The following PCDHA6 variants were observed in gnomAD, a reference collection of about 807,000 sequenced individuals.
PCDHA6 encodes protocadherin alpha 6, also known as protocadherin alpha-6.
A neutral mutation model predicts 60.3 loss-of-function variants in PCDHA6; 55 were observed. That is an observed-to-expected ratio of 0.91 (90% CI 0.73 to 1.14). PCDHA6 has a LOEUF of 1.14. Ranked by LOEUF, PCDHA6 falls within the 50% of genes most tolerant of loss-of-function variation. PCDHA6 has a pLI of 0.00. For synonymous variants in PCDHA6, 652 were observed against 557.9 expected, an observed-to-expected ratio of 1.17 and a Z score of -2.38; for missense variants, 1,327 against 1,256.5, an observed-to-expected ratio of 1.06 and a Z score of -0.85.
chr5:140,863,416 C>A, intron 1 of PCDHA6: 6 of 719,752 alleles, frequency 8.3e-6, no homozygotes, highest in African/African-American at 1.8e-5. Flanking sequence ...GCTGGTGTAC[C>A]GCAGCGTAGT....
chr5:140,850,813 G>A (rs2150499202), intron 1 of PCDHA6: 2 of 1,598,488 alleles, frequency 1.3e-6, no homozygotes, highest in Admixed American at 1.7e-5. Flanking sequence ...ATGGCCTTCA[G>A]CCCGGGCCTT....
intron 1 of PCDHA6, among the ~76,000 whole-genome samples, chr5:140,925,287 A>G (rs905857397): frequency 4.7e-4 from 72 of 152,294 alleles, no homozygotes; most frequent in African/African-American, 1.7e-3. Context: ...TGCCTTTCAA[A>G]TGTTTCATTA....
At chr5:140,834,349 T>A in intron 1 of PCDHA6, 2 of 1,534,320 alleles carry the variant, frequency 1.3e-6, no homozygotes, top group Non-Finnish European at 1.8e-6. Flanking sequence ...CGAAGGCAAG[T>A]TTTGCTGACT....
In PCDHA6 at chr5:140,858,646, T is replaced by C. The variant is rs542211136; in HGVS notation, c.2394+28161T>C. 2.7e-5 allele frequency: 22 copies of C among 817,764 alleles called. 1 individual carries two copies. In the African/African-American group the frequency reaches 3.5e-4, roughly 13 times the overall value. 50.7% of individuals were successfully genotyped at this position (817,764 alleles called of 1,614,324 possible). A position where few individuals can be genotyped will look rare whatever the true frequency, so the allele number is the denominator to read the frequency against. On this transcript the variant is annotated intron_variant, in intron 1 of 3. Coordinates refer to ENST00000529310, the MANE Select transcript of PCDHA6 (RefSeq NM_018909.4). ...AGTGTGTCAGCCTTTGATTGGTACT[T>C]AAATTTTTTTAAATAACAATTTATT...
chr5:140,869,633 A>G (rs376162708), intron 1 of PCDHA6: 3 of 1,613,612 alleles, frequency 1.9e-6, no homozygotes, highest in Non-Finnish European at 2.5e-6. Context: ...AAAAATGAGT[A>G]TTTTTCTTTA....
chr5:140,976,814 A>G (rs1276394910), intron 1 of PCDHA6, among the ~76,000 whole-genome samples: 1 of 152,242 alleles, frequency 6.6e-6, no homozygotes, highest in East Asian at 1.9e-4. Flanking sequence ...GAAGATATGC[A>G]TGTGTCTAAT....
chr5:140,834,830 C>T (rs1554134546), intron 1 of PCDHA6: 1 of 1,612,028 alleles, frequency 6.2e-7, no homozygotes, highest in East Asian at 2.2e-5. Context: ...GGCCGCTTGA[C>T]TCTCGGTTTC....
chr5:140,869,343 G>A (rs1554162925), intron 1 of PCDHA6: 1 of 1,613,974 alleles, frequency 6.2e-7, no homozygotes, highest in African/African-American at 1.3e-5. Context: ...TAAATCTGCA[G>A]AATGGCATTT....
At chr5:140,948,013 A>G (rs1214834981) in intron 1 of PCDHA6, among the ~76,000 whole-genome samples, 7 of 89,982 alleles carry the variant, frequency 7.8e-5, no homozygotes, top group Admixed American at 5.3e-4. Context: ...TTTAGGAAGT[A>G]CCCTTTCTGG....
intron 1 of PCDHA6, among the ~76,000 whole-genome samples, chr5:140,975,074 G>C (rs2096653166): frequency 1.3e-5 from 2 of 152,152 alleles, no homozygotes; most frequent in South Asian, 4.1e-4. Flanking sequence ...CATTCAGATT[G>C]TTGGCAGAAT....
chr5:140,988,817 C>T (rs1244038207), intron 3 of PCDHA6: 8 of 152,028 alleles, frequency 5.3e-5, no homozygotes, highest in Admixed American at 1.3e-4. Context: ...TAACAGTAGC[C>T]CCAAACAGAG....
In PCDHA6 at chr5:140,830,029, G is replaced by T. The variant is rs2150179968; in HGVS notation, c.1938G>T (p.Arg646=). ...ACGAAGCGGACTCTCCGCGCCACCG[G>T]CTGCTGGTGCTGGTGAAAGACCACG... The part of the protein sequence containing the change: ...VLDEADSPRH[R]LLVLVKDHGE... The change falls in exon 1 of 4, where the codon CGG becomes CGT. Residue 646 remains arginine (R), a synonymous_variant. Transcript: ENST00000529310. The T allele has an allele frequency of 8.7e-6, 14 of 1,613,908 alleles. No homozygotes were observed. Among genetic ancestry groups the T allele is most frequent in the Admixed American group, 8.3e-5 (5 of 60,028 alleles).
At position 140,848,921 on chromosome 5, in the gene PCDHA6, C is replaced by A. The variant is rs149924043; in HGVS notation, c.2394+18436C>A. The A allele has an allele frequency of 2.3e-3, 3,692 of 1,607,738 alleles. 94 individuals carry two copies. Among genetic ancestry groups the A allele is most frequent in the Middle Eastern group, 9.4e-3 (57 of 6,032 alleles). On this transcript the variant is annotated intron_variant, in intron 1 of 3. Coordinates refer to ENST00000529310, the MANE Select transcript of PCDHA6 (RefSeq NM_018909.4). ...CAGCGACACAAAAGAATCTGTTCAT[C>A]GCGGAATCCAGGCCGCTTGACTCTC...
At chr5:140,856,784 T>A in intron 1 of PCDHA6, 1 of 1,596,522 alleles carries the variant, frequency 6.3e-7, no homozygotes. Flanking sequence ...CAGACCGGTT[T>A]ATGAAGTTAA....
intron 1 of PCDHA6, chr5:140,871,672 T>C (rs2053253410): frequency 2.6e-6 from 3 of 1,153,066 alleles, no homozygotes; most frequent in Non-Finnish European, 3.6e-6. Flanking sequence ...AGTCTTTTAA[T>C]CATATGAATA....
chr5:140,928,014 G>A (rs1554205371), intron 1 of PCDHA6: 1 of 1,614,150 alleles, frequency 6.2e-7, no homozygotes, highest in Non-Finnish European at 8.5e-7. Flanking sequence ...CTAATGGTAG[G>A]GTCATTTGTG....
intron 1 of PCDHA6, chr5:140,843,835 T>G: frequency 5.5e-6 from 6 of 1,094,648 alleles, no homozygotes; most frequent in Non-Finnish European, 5.3e-6. Context: ...CATTGTTTAG[T>G]TTTTAGAAAC....
At position 140,870,595 on chromosome 5, in the gene PCDHA6, T is replaced by G. The variant is rs573002634; in HGVS notation, c.2394+40110T>G. ...GTCCTACTCGCTGGTGGAGCGGCGG[T>G]TGGGCGACCGCGCGCTGTCGAGCTA... On this transcript the variant is annotated intron_variant, in intron 1 of 3. Transcript: ENST00000529310. The G allele has an allele frequency of 8.9e-5, 144 of 1,613,242 alleles. No homozygotes were observed. The South Asian group carries it at 9.4e-4, about 11-fold the overall frequency.
intron 1 of PCDHA6, chr5:140,882,682 A>G (rs782727780): frequency 9.3e-6 from 15 of 1,614,080 alleles, no homozygotes; most frequent in Admixed American, 3.3e-5. Context: ...AAAGCAAGAA[A>G]CGAATAATCA....
Sources: gnomAD v4.1 joint callset for allele counts (sites outside exome capture counted in the v4.1 genomes callset) on GRCh38, gnomAD v4.1.1 for gene constraint, MANE v1.5 for transcripts, NCBI Gene and HGNC (gene_info 2026-07-23, HGNC 2026-07-21) for gene names.